Variants in GABRA1 observed in about 807,000 individuals in gnomAD.
GABRA1 encodes the protein gamma-aminobutyric acid receptor subunit alpha-1.
A neutral mutation model predicts 48.9 loss-of-function variants in GABRA1; 9 were observed. The ratio of observed to expected loss-of-function variants is 0.18; its 90% CI spans 0.11 to 0.32. The LOEUF is 0.32. GABRA1 is among the 10% of genes least tolerant of loss of function. GABRA1 has a pLI of 1.00. For missense variants in GABRA1, 285 were observed against 553.8 expected, an observed-to-expected ratio of 0.51 and a Z score of 4.87; for synonymous variants, 210 against 198.7, an observed-to-expected ratio of 1.06 and a Z score of -0.48.
intron 1 of GABRA1, chr5:161,850,202 A>G (rs1757380936): frequency 6.4e-6 from 1 of 157,148 alleles, no homozygotes; most frequent in Non-Finnish European, 1.4e-5. Context: ...CAAAGCAGTC[A>G]CAGGAACAGA....
At chr5:161,860,978 T>G (rs1323638922) in intron 3 of GABRA1, among the ~76,000 whole-genome samples, 2 of 151,772 alleles carry the variant, frequency 1.3e-5, no homozygotes, top group Non-Finnish European at 2.9e-5. Flanking sequence ...CTTTTTTTTC[T>G]GGCAGAATCA....
intron 3 of GABRA1, among the ~76,000 whole-genome samples, chr5:161,864,935 G>A (rs143074475): frequency 5.6e-4 from 85 of 151,814 alleles, no homozygotes; most frequent in South Asian, 5.4e-3. Context: ...CATATTTTTC[G>A]TTTTCACCCC....
chr5:161,884,811 C>T (rs1302470786), intron 7 of GABRA1, among the ~76,000 whole-genome samples: 2 of 152,168 alleles, frequency 1.3e-5, no homozygotes, highest in Non-Finnish European at 2.9e-5. Context: ...CTAATTTTAG[C>T]TTTAACAACC....
Position 161,850,778 on chromosome 5 carries a change from A to G in GABRA1, c.-15-18A>G, listed in dbSNP as rs1453797400. 2 of 1,603,088 alleles carry G rather than the reference A, an allele frequency of 1.2e-6. No individual in the cohort carries two copies. Among genetic ancestry groups the G allele is most frequent in the Non-Finnish European group, 8.5e-7 (1 of 1,169,954 alleles). On this transcript the variant is annotated intron_variant, in intron 1 of 9. Coordinates refer to ENST00000393943, the MANE Select transcript of GABRA1 (RefSeq NM_001127644.2). The stretch of plus-strand genomic sequence containing the variant: ...TTTCTTGCTAGAGACATTGATCTCT[A>G]CTTATTCTACTTTTCAGCTGCTCCA...
chr5:161,849,789 T>C (rs1757364184), intron 1 of GABRA1, among the ~76,000 whole-genome samples: 2 of 152,220 alleles, frequency 1.3e-5, no homozygotes, highest in African/African-American at 4.8e-5. Flanking sequence ...AGCTGCTCCT[T>C]ATCCAGGTAG....
intron 7 of GABRA1, among the ~76,000 whole-genome samples, chr5:161,884,421 A>G (rs1382854393): frequency 6.6e-6 from 1 of 152,202 alleles, no homozygotes; most frequent in Admixed American, 6.5e-5. Context: ...GCTGTGATTA[A>G]CATTTTTTTG....
At chr5:161,881,426 C>T (rs1439822798) in intron 6 of GABRA1, among the ~76,000 whole-genome samples, 4 of 151,934 alleles carry the variant, frequency 2.6e-5, no homozygotes, top group Non-Finnish European at 5.9e-5. Context: ...GTAAATTATC[C>T]ATCAGAATTA....
chr5:161,879,494 C>T (rs1754515752), intron 6 of GABRA1, among the ~76,000 whole-genome samples: 1 of 152,152 alleles, frequency 6.6e-6, no homozygotes, highest in Non-Finnish European at 1.5e-5. Context: ...GGCTAAGTAG[C>T]TGAAGACTCT....
chr5:161,880,558 G>A lies in GABRA1; in HGVS notation c.560-2000G>A, dbSNP rs530570618. ...AGATAAATTCAAAATTATCCATTTC[G>A]TACTTTTACATGTCCCATGAACCAC... On this transcript the variant is annotated intron_variant, in intron 6 of 9. Coordinates refer to ENST00000393943, the MANE Select transcript of GABRA1 (RefSeq NM_001127644.2). 7.2e-5 allele frequency among the ~76,000 whole-genome samples: 11 copies of A among 152,234 alleles called. No homozygotes were observed. In the East Asian group the frequency reaches 9.6e-4, roughly 13 times the overall value.
intron 4 of GABRA1, among the ~76,000 whole-genome samples, chr5:161,866,862 A>G (rs940683101): frequency 6.6e-6 from 1 of 152,142 alleles, no homozygotes; most frequent in Admixed American, 6.6e-5. Flanking sequence ...TGGACAAAGA[A>G]AAATATGTGG....
At chr5:161,887,079 A>G (rs1343294936) in intron 7 of GABRA1, among the ~76,000 whole-genome samples, 1 of 152,236 alleles carries the variant, frequency 6.6e-6, no homozygotes, top group African/African-American at 2.4e-5. Flanking sequence ...ATGCCATGCA[A>G]TGTTTTAAAA....
chr5:161,861,742 C>T (rs1020384376), intron 3 of GABRA1, among the ~76,000 whole-genome samples: 2 of 151,858 alleles, frequency 1.3e-5, no homozygotes, highest in Non-Finnish European at 2.9e-5. Flanking sequence ...GGAGCTGGAA[C>T]ATTGCTTTAT....
At chr5:161,863,542 C>G (rs1241630500) in intron 3 of GABRA1, among the ~76,000 whole-genome samples, 3 of 152,006 alleles carry the variant, frequency 2.0e-5, no homozygotes, top group African/African-American at 2.4e-5. Flanking sequence ...GGAGATGGCC[C>G]AAGCCATTCA....
intron 6 of GABRA1, among the ~76,000 whole-genome samples, chr5:161,880,940 C>T (rs1173565633): frequency 1.3e-5 from 2 of 152,156 alleles, no homozygotes; most frequent in African/African-American, 4.8e-5. Context: ...TGCATTATGA[C>T]TTTTATGAGC....
intron 4 of GABRA1, 141 bp from the exon 5 acceptor site, chr5:161,872,976 T>C (rs1268102933): frequency 4.2e-6 from 3 of 719,996 alleles, no homozygotes; most frequent in African/African-American, 1.7e-5. Flanking sequence ...ATGTACATGC[T>C]ATCACACGTT....
At chr5:161,875,383 C>A (rs1754302229) in intron 5 of GABRA1, among the ~76,000 whole-genome samples, 177 bp from the exon 6 acceptor site, 1 of 152,070 alleles carries the variant, frequency 6.6e-6, no homozygotes, top group Non-Finnish European at 1.5e-5. Context: ...AGGATAGAAT[C>A]CACTCATTAT....
intron 2 of GABRA1, among the ~76,000 whole-genome samples, chr5:161,852,481 C>G (rs1416086557): frequency 6.6e-6 from 1 of 151,926 alleles, no homozygotes; most frequent in Non-Finnish European, 1.5e-5. Context: ...CCATCTTTAT[C>G]AAGATGACCT....
Position 161,873,130 on chromosome 5 carries a change from A to T in GABRA1, c.269A>T (p.Asp90Val). ...AAAATTACCTAGGAATATACAATAG[A>T]TGTATTTTTCCGTCAAAGCTGGAAG... ...VSDHDMEYTI[D>V]VFFRQSWKDE... is the part of the protein sequence containing the mutation. The change falls in exon 5 of 10, where the codon GAT becomes GTT. Residue 90 changes from aspartate to valine, a missense_variant. Transcript: ENST00000393943. 1 of 1,608,810 alleles carries T rather than the reference A, an allele frequency of 6.2e-7. No homozygotes were observed. The highest frequency in any genetic ancestry group is 8.5e-7 in the Non-Finnish European group (1 of 1,175,248).
At chr5:161,866,414 C>A (rs1348189189) in intron 4 of GABRA1, among the ~76,000 whole-genome samples, 1 of 151,922 alleles carries the variant, frequency 6.6e-6, no homozygotes, top group East Asian at 1.9e-4. Context: ...TAGAGCTCTA[C>A]AGAAATTATA....
Sources: gnomAD v4.1 joint callset for allele counts (sites outside exome capture counted in the v4.1 genomes callset) on GRCh38, gnomAD v4.1.1 for gene constraint, MANE v1.5 for transcripts, NCBI Gene and HGNC (gene_info 2026-07-23, HGNC 2026-07-21) for gene names.